Variants in ARID4B observed in about 807,000 individuals in gnomAD.
ARID4B encodes the protein AT-rich interactive domain-containing protein 4B.
ARID4B carries 26 observed loss-of-function variants against 147.5 expected under a neutral mutation model. The ratio of observed to expected loss-of-function variants is 0.18; its 90% CI spans 0.13 to 0.24. The LOEUF (loss-of-function observed/expected upper bound fraction) is 0.24, where lower values mean the gene tolerates loss of function less well. ARID4B is among the 10% of genes least tolerant of loss of function. The pLI is 1.00. For synonymous variants in ARID4B, 512 were observed against 507.9 expected (o/e 1.01, Z -0.11); for missense variants, 1,179 against 1,511.5 (o/e 0.78, Z 3.65).
chr1:235,204,785 C>CA (rs1296303216), intron 17 of ARID4B, among the ~76,000 whole-genome samples: 3 of 152,202 alleles, frequency 2.0e-5, no homozygotes, highest in Admixed American at 2.0e-4. Flanking sequence ...CGTACTTAGA[C>CA]AAAAATATCA....
intron 16 of ARID4B, 99 bp from the exon 17 acceptor site, chr1:235,214,125 T>C: frequency 3.5e-6 from 5 of 1,441,250 alleles, no homozygotes; most frequent in Non-Finnish European, 4.6e-6. Context: ...CTGTGATTGT[T>C]CCAGGAAAAG....
chr1:235,181,116 G>A (rs1664281429), intron 20 of ARID4B: 2 of 1,021,624 alleles, frequency 2.0e-6, no homozygotes, highest in African/African-American at 1.7e-5. Context: ...GTTGTCTGAG[G>A]AAAGCAGTGC....
At chr1:235,313,517 A>G (rs768733693) in intron 2 of ARID4B, among the ~76,000 whole-genome samples, 3 of 152,096 alleles carry the variant, frequency 2.0e-5, no homozygotes, top group Non-Finnish European at 4.4e-5. Context: ...TGCCCATGCT[A>G]GATCAGCTTC....
intron 5 of ARID4B, 137 bp downstream of exon 5, chr1:235,255,523 T>C (rs1669929656): frequency 1.8e-6 from 1 of 546,506 alleles, no homozygotes; most frequent in African/African-American, 1.9e-5. Flanking sequence ...TTTTAAAAGA[T>C]GTGGAAAGAT....
At position 235,301,038 on chromosome 1, in the gene ARID4B, C is replaced by CTTTTTTTTT. The variant is rs780839339; in HGVS notation, c.6+25867_6+25875dup. Among the ~76,000 whole-genome samples the CTTTTTTTTT allele has an allele frequency of 8.9e-5, 10 of 112,266 alleles. 2 individuals are homozygous for CTTTTTTTTT. The highest frequency in any genetic ancestry group is 3.3e-4 in the African/African-American group (9 of 27,376). 73.7% of individuals were successfully genotyped at this position (112,266 alleles called of 152,430 possible). On this transcript the variant is annotated intron_variant, in intron 2 of 23. Transcript: ENST00000264183. ...CCAACAATACATTTTTTTAAGTATTCTTTTTTTTTTTTTTTTTTTTTTTTT... is the reference window on the plus strand; with the variant it reads ...CCAACAATACATTTTTTTAAGTATTCTTTTTTTTTTTTTTTTTTTTTTTTTTTTTTTTTT...
At chr1:235,219,721 A>ATACACATACATATTCATACATATTCAT in intron 16 of ARID4B, 72 bp downstream of exon 16, 2 of 1,229,836 alleles carry the variant, frequency 1.6e-6, no homozygotes, top group Non-Finnish European at 2.3e-6. Flanking sequence ...TTCATACATA[A>ATACACATACATATTCATACATATTCAT]ACACATACAA....
At chr1:235,267,882 T>G (rs1670717414) in intron 2 of ARID4B, among the ~76,000 whole-genome samples, 1 of 150,546 alleles carries the variant, frequency 6.6e-6, no homozygotes, top group Non-Finnish European at 1.5e-5. Context: ...CCAACCTGAG[T>G]GACGTGAGAC....
intron 2 of ARID4B, among the ~76,000 whole-genome samples, chr1:235,265,678 G>A (rs148031714): frequency 9.8e-4 from 147 of 150,304 alleles, no homozygotes; most frequent in Non-Finnish European, 1.8e-3. Context: ...TAACCTGGGC[G>A]ACACTGAGAC....
chr1:235,203,068 C>T (rs552247304), intron 17 of ARID4B, among the ~76,000 whole-genome samples: 56 of 152,194 alleles, frequency 3.7e-4, no homozygotes, highest in Admixed American at 8.5e-4. Flanking sequence ...TGAATACAAA[C>T]GTGAAACTTT....
chr1:235,182,297 T>C lies in ARID4B; in HGVS notation c.2622A>G (p.Thr874=). ...EDEEETKAKM[T]PTKKYNGLEE... is the part of the protein sequence containing the mutation. ...CCAAACCATTGTATTTCTTAGTTGG[T>C]GTCATCTTTGCTTTTGTTTCTTCTT... Residue 874 remains threonine (T), a synonymous_variant, in exon 20 of 24, where the codon ACA becomes ACG. Coordinates refer to ENST00000264183, the MANE Select transcript of ARID4B (RefSeq NM_016374.6). 1.2e-6 allele frequency: 2 copies of C among 1,613,992 alleles called. No individual in the cohort carries two copies. The highest frequency in any genetic ancestry group is 1.7e-6 in the Non-Finnish European group (2 of 1,180,012).
chr1:235,189,442 A>AT (rs1664931967), intron 19 of ARID4B, among the ~76,000 whole-genome samples: 1 of 151,080 alleles, frequency 6.6e-6, no homozygotes, highest in Non-Finnish European at 1.5e-5. Flanking sequence ...AAACTTAAAC[A>AT]TTACAGCAAA....
intron 6 of ARID4B, among the ~76,000 whole-genome samples, chr1:235,251,091 T>G (rs1669614739): frequency 6.6e-6 from 1 of 152,228 alleles, no homozygotes; most frequent in South Asian, 2.1e-4. Context: ...AACCTTCAGT[T>G]TATTCCACAC....
intron 17 of ARID4B, among the ~76,000 whole-genome samples, chr1:235,207,455 A>C (rs2102993177): frequency 6.6e-6 from 1 of 152,346 alleles, no homozygotes; most frequent in South Asian, 2.1e-4. Context: ...TCAGATGAGT[A>C]CTATAAAGCA....
At chr1:235,193,319 T>A (rs534617933) in intron 19 of ARID4B, among the ~76,000 whole-genome samples, 103 of 151,910 alleles carry the variant, frequency 6.8e-4, no homozygotes, top group African/African-American at 2.4e-3. Context: ...ATCTTTAGAG[T>A]CTGGGAGGTT....
chr1:235,177,825 T>G lies in ARID4B; in HGVS notation c.3423A>C (p.Val1141=), dbSNP rs1663998950. ...TGCCTTTTCCCTTCTTTTTGTTGTT[T>G]ACCACTGTTGCTTTATGGCTTCTTT... The part of the protein sequence containing the change: ...KQKRSHKATV[V]NNKKKGKGTN... Residue 1141 remains valine, a synonymous_variant, in exon 21 of 24, where the codon GTA becomes GTC. Transcript: ENST00000264183. 1 of 1,611,812 alleles carries G rather than the reference T, an allele frequency of 6.2e-7. No homozygotes were observed. Among genetic ancestry groups the G allele is most frequent in the East Asian group, 2.2e-5 (1 of 44,776 alleles).
intron 23 of ARID4B, among the ~76,000 whole-genome samples, chr1:235,171,615 A>G (rs182799733): frequency 1.5e-3 from 224 of 151,826 alleles, no homozygotes; most frequent in Non-Finnish European, 2.6e-3. Flanking sequence ...TTTACAAAAC[A>G]TTGTTTAGAA....
At chr1:235,308,083 A>ATTTTT (rs368457519) in intron 2 of ARID4B, among the ~76,000 whole-genome samples, 1 of 102,774 alleles carries the variant, frequency 9.7e-6, no homozygotes, top group Admixed American at 1.2e-4. Flanking sequence ...ATTTCTTCTA[A>ATTTTT]TTTTTTTTTT....
At chr1:235,267,287 C>T (rs919862913) in intron 2 of ARID4B, among the ~76,000 whole-genome samples, 1 of 152,006 alleles carries the variant, frequency 6.6e-6, no homozygotes, top group African/African-American at 2.4e-5. Flanking sequence ...AAAAACAAAA[C>T]AAAACAAAAC....
At chr1:235,321,182 T>A (rs1383005889) in intron 2 of ARID4B, among the ~76,000 whole-genome samples, 1 of 152,234 alleles carries the variant, frequency 6.6e-6, no homozygotes, top group Non-Finnish European at 1.5e-5. Context: ...CCTAGTATTT[T>A]TTTTAATTAC....
Sources: gnomAD v4.1 joint callset for allele counts (sites outside exome capture counted in the v4.1 genomes callset) on GRCh38, gnomAD v4.1.1 for gene constraint, MANE v1.5 for transcripts, NCBI Gene and HGNC (gene_info 2026-07-23, HGNC 2026-07-21) for gene names.